Variants in MARK3 observed in about 807,000 individuals in gnomAD.
MARK3 encodes microtubule affinity regulating kinase 3.
In MARK3, 46 loss-of-function variants were observed where a neutral mutation model predicts 90.1. The ratio of observed to expected loss-of-function variants is 0.51; its 90% CI spans 0.40 to 0.65. The LOEUF (loss-of-function observed/expected upper bound fraction) is 0.65. Ranked by LOEUF, MARK3 falls within the 30% of genes least tolerant of loss-of-function variation. The pLI is 0.00. For synonymous variants in MARK3, 321 were observed against 332.6 expected (o/e 0.97, Z 0.38); for missense variants, 818 against 947.2 (o/e 0.86, Z 1.79).
At chr14:103,460,384 C>T (rs1043611628) in intron 6 of MARK3, among the ~76,000 whole-genome samples, 2 of 152,058 alleles carry the variant, frequency 1.3e-5, no homozygotes, top group Non-Finnish European at 2.9e-5. Flanking sequence ...GCGCCCGGCA[C>T]AGCTCCATCT....
At chr14:103,491,198 C>A in intron 14 of MARK3, 1 of 1,000,114 alleles carries the variant, frequency 1.0e-6, no homozygotes, top group Non-Finnish European at 1.3e-6. Flanking sequence ...GATTTTGTTA[C>A]AGTTGTCCAC....
intron 2 of MARK3, among the ~76,000 whole-genome samples, chr14:103,411,878 C>T (rs1190980229): frequency 1.3e-5 from 2 of 151,932 alleles, no homozygotes; most frequent in Non-Finnish European, 2.9e-5. Flanking sequence ...ACCTCAGCCT[C>T]CTAAAGTGCT....
Position 103,428,439 on chromosome 14 carries a change from A to G in MARK3, c.296A>G (p.Lys99Arg), listed in dbSNP as rs1179115060. The change falls in exon 3 of 18, where the codon AAG becomes AGG. Residue 99 changes from lysine to arginine, a missense_variant and splice_region_variant. Around this residue, in one of 3 missense-constraint regions of MARK3, gnomAD observed 157 missense variants for 158.7 expected, o/e 0.99. Transcript: ENST00000429436. ...KTQLNPTSLQ[K>R]LFREVRIMKI... ...CAGTTGAATCCAACAAGTCTACAAA[A>G]GGTAAGATTGGTTCAATGTCTAGTA... The G allele has an allele frequency of 6.0e-6, 9 of 1,508,084 alleles. No individual in the cohort carries two copies. The highest frequency in any genetic ancestry group is 7.2e-6 in the Non-Finnish European group (8 of 1,111,356). The allele number at this position is 1,508,084 out of a possible 1,614,324, so 93.4% of individuals were successfully genotyped here.
intron 12 of MARK3, among the ~76,000 whole-genome samples, chr14:103,471,288 TA>T (rs1223749492): frequency 6.6e-6 from 1 of 152,170 alleles, no homozygotes; most frequent in Non-Finnish European, 1.5e-5. Context: ...TCCAGATTAT[TA>T]GTGCCTTTTT....
intron 1 of MARK3, among the ~76,000 whole-genome samples, chr14:103,397,372 A>T (rs1595453740): frequency 6.7e-6 from 1 of 149,032 alleles, no homozygotes; most frequent in Admixed American, 6.8e-5. Flanking sequence ...TGTCACCCAG[A>T]CTGGAGTGCA....
chr14:103,473,107 G>GCC (rs544783276), intron 12 of MARK3, among the ~76,000 whole-genome samples: 40 of 152,188 alleles, frequency 2.6e-4, no homozygotes, highest in Non-Finnish European at 4.6e-4. Context: ...TTCCATGGAT[G>GCC]CCCATTCATA....
chr14:103,490,919 T>C, intron 14 of MARK3: 4 of 1,244,990 alleles, frequency 3.2e-6, no homozygotes, highest in Non-Finnish European at 4.2e-6. Flanking sequence ...CATACTGTGT[T>C]TCTGCCTCTG....
rs756502145 is a variant in MARK3 at position 103,457,128 on chromosome 14, T to C, written c.413-14T>C. 9 of 1,536,702 alleles carry C rather than the reference T, an allele frequency of 5.9e-6. No homozygotes were observed. The Admixed American group carries it at 1.4e-4, about 24-fold the overall frequency. On this transcript the variant is annotated splice_polypyrimidine_tract_variant and intron_variant, in intron 5 of 17. Coordinates refer to ENST00000429436, the MANE Select transcript of MARK3 (RefSeq NM_001128918.3). ...AGTAGGATTTCTACTTACTTTTATT[T>C]CTCTCACCTATAGGTGAAGTATTTG...
chr14:103,501,630 G>A (rs79282068), intron 17 of MARK3, among the ~76,000 whole-genome samples: 9,737 of 145,746 alleles, frequency 0.067, 435 homozygotes, highest in Middle Eastern at 0.099. Flanking sequence ...ACCCCCACCC[G>A]TGCTGTTTCC....
At position 103,498,488 on chromosome 14, in the gene MARK3, T is replaced by A; in HGVS notation, c.1845-14T>A. 1 of 1,297,946 alleles carries A rather than the reference T, an allele frequency of 7.7e-7. No homozygotes were observed. Among genetic ancestry groups the A allele is most frequent in the Non-Finnish European group, 1.0e-6 (1 of 992,434 alleles). The allele number at this position is 1,297,946 out of a possible 1,614,324, so 80.4% of individuals were successfully genotyped here. A position where few individuals can be genotyped will look rare whatever the true frequency, so the allele number is the denominator to read the frequency against. ...TTTGTTAATTTTTTTTTTTTTTTAC[T>A]TAATTTCTTTTAGAAACATGTCATT... On this transcript the variant is annotated splice_polypyrimidine_tract_variant and intron_variant, in intron 15 of 17. Coordinates refer to ENST00000429436, the MANE Select transcript of MARK3 (RefSeq NM_001128918.3).
intron 2 of MARK3, among the ~76,000 whole-genome samples, chr14:103,418,509 T>G (rs1228927239): frequency 6.6e-6 from 1 of 152,138 alleles, no homozygotes; most frequent in African/African-American, 2.4e-5. Context: ...TTTCTGAGAG[T>G]ATCCAGTTTC....
intron 2 of MARK3, among the ~76,000 whole-genome samples, chr14:103,415,175 A>T (rs35750800): frequency 6.7e-6 from 1 of 150,106 alleles, no homozygotes; most frequent in Non-Finnish European, 1.5e-5. Context: ...AAAAAAAAAA[A>T]GATACTCATG....
Position 103,457,133 on chromosome 14 carries a change from C to G in MARK3, c.413-9C>G. Reference sequence around the variant, plus strand: ...GATTTCTACTTACTTTTATTTCTCTCACCTATAGGTGAAGTATTTGACTAT... The same window carrying G: ...GATTTCTACTTACTTTTATTTCTCTGACCTATAGGTGAAGTATTTGACTAT... On this transcript the variant is annotated splice_polypyrimidine_tract_variant and intron_variant, in intron 5 of 17. Transcript: ENST00000429436. 2 of 1,562,680 alleles carry G rather than the reference C, an allele frequency of 1.3e-6. No individual in the cohort carries two copies. Among genetic ancestry groups the G allele is most frequent in the Non-Finnish European group, 1.8e-6 (2 of 1,136,592 alleles).
At position 103,428,375 on chromosome 14, in the gene MARK3, T is replaced by C; in HGVS notation, c.244-12T>C. The stretch of plus-strand genomic sequence containing the variant: ...ATTCTTAAAATCCATAAATATTTAT[T>C]ATTCTTTCTAGGTTGCAATAAAAAT... On this transcript the variant is annotated splice_polypyrimidine_tract_variant and intron_variant, in intron 2 of 17. Coordinates refer to ENST00000429436, the MANE Select transcript of MARK3 (RefSeq NM_001128918.3). 1 of 1,328,350 alleles carries C rather than the reference T, an allele frequency of 7.5e-7. No homozygotes were observed. Among genetic ancestry groups the C allele is most frequent in the Non-Finnish European group, 1.0e-6 (1 of 960,368 alleles). 82.3% of individuals were successfully genotyped at this position (1,328,350 alleles called of 1,614,324 possible). A position where few individuals can be genotyped will look rare whatever the true frequency, so the allele number is the denominator to read the frequency against.
At chr14:103,458,362 G>A (rs2093321386) in intron 6 of MARK3, among the ~76,000 whole-genome samples, 1 of 151,336 alleles carries the variant, frequency 6.6e-6, no homozygotes, top group Admixed American at 6.6e-5. Context: ...GGGAGGCTGA[G>A]GCAGGAGAAT....
intron 16 of MARK3, chr14:103,499,866 C>CA (rs374937598): frequency 3.3e-5 from 13 of 393,090 alleles, no homozygotes; most frequent in East Asian, 9.6e-5. Flanking sequence ...GCGTGGTGTG[C>CA]GGTGTGTGCA....
chr14:103,494,199 A>G (rs2075188140), intron 15 of MARK3, among the ~76,000 whole-genome samples: 1 of 141,916 alleles, frequency 7.0e-6, no homozygotes, highest in South Asian at 2.2e-4. Context: ...GCGCCGCTGC[A>G]CTCCAGCCTG....
chr14:103,469,788 C>T (rs2093590107), intron 12 of MARK3, among the ~76,000 whole-genome samples: 1 of 151,920 alleles, frequency 6.6e-6, no homozygotes, highest in African/African-American at 2.4e-5. Context: ...CCTGGCCGGA[C>T]ATGGTGGCTC....
At chr14:103,415,703 A>G (rs980699937) in intron 2 of MARK3, among the ~76,000 whole-genome samples, 23 of 152,220 alleles carry the variant, frequency 1.5e-4, no homozygotes, top group African/African-American at 5.3e-4. Context: ...CACTTGTTTC[A>G]GTCATTTGTA....
Sources: gnomAD v4.1 joint callset for allele counts (sites outside exome capture counted in the v4.1 genomes callset) on GRCh38, gnomAD v4.1.1 for gene constraint, gnomAD v4.1.1 regional missense constraint, MANE v1.5 for transcripts, NCBI Gene and HGNC (gene_info 2026-07-23, HGNC 2026-07-21) for gene names.